The following CAMTA1 variants were observed in gnomAD, a reference collection of about 807,000 sequenced individuals.
CAMTA1 encodes the protein calmodulin binding transcription activator 1.
Under a neutral mutation model 170.9 loss-of-function variants are expected in CAMTA1, and 27 were observed. The observed-to-expected ratio is 0.16, with a 90% CI of 0.12 to 0.22. The LOEUF (loss-of-function observed/expected upper bound fraction) is 0.22, where lower values mean the gene tolerates loss of function less well. Ranked by LOEUF, CAMTA1 falls within the 10% of genes least tolerant of loss-of-function variation. CAMTA1 has a pLI of 1.00. For synonymous variants in CAMTA1, 833 were observed against 891.5 expected (o/e 0.93, Z 1.17); for missense variants, 1,619 against 2,217.2 (o/e 0.73, Z 5.42).
In CAMTA1 at chr1:7,136,407, C is replaced by T. The variant is rs150211666; in HGVS notation, c.302+45036C>T. On this transcript the variant is annotated intron_variant, in intron 4 of 22. Transcript: ENST00000303635. The stretch of plus-strand genomic sequence containing the variant: ...ACATTCCTTCTCTTTTACTCAAGGG[C>T]ATCACTCTGCAATTATTCCCTCTCC... Among the ~76,000 whole-genome samples, 320 of 152,248 alleles carry T rather than the reference C, an allele frequency of 2.1e-3. 3 individuals carry two copies. The highest frequency in any genetic ancestry group is 7.6e-3 in the African/African-American group (315 of 41,546).
intron 11 of CAMTA1, among the ~76,000 whole-genome samples, chr1:7,708,501 A>G (rs1018669974): frequency 2.0e-5 from 3 of 152,256 alleles, no homozygotes; most frequent in African/African-American, 7.2e-5. Flanking sequence ...GATTCAAAAA[A>G]AAGAAAAAGA....
chr1:7,619,667 T>G (rs972932568), intron 6 of CAMTA1, among the ~76,000 whole-genome samples: 2 of 151,534 alleles, frequency 1.3e-5, no homozygotes, highest in Non-Finnish European at 1.5e-5. Flanking sequence ...TTTTTTTTTT[T>G]GAGATGGAGT....
At chr1:6,936,583 T>G (rs1211896172) in intron 3 of CAMTA1, among the ~76,000 whole-genome samples, 1 of 152,176 alleles carries the variant, frequency 6.6e-6, no homozygotes, top group East Asian at 1.9e-4. Flanking sequence ...CTGCTGAGCC[T>G]GCAGGACATG....
chr1:6,827,813 C>T (rs1275855483), intron 3 of CAMTA1, among the ~76,000 whole-genome samples: 2 of 152,120 alleles, frequency 1.3e-5, no homozygotes, highest in Non-Finnish European at 2.9e-5. Flanking sequence ...TCAGACTGCC[C>T]TTATTAAGAG....
intron 3 of CAMTA1, among the ~76,000 whole-genome samples, chr1:6,850,265 TATC>T (rs1320232710): frequency 3.3e-5 from 5 of 152,142 alleles, no homozygotes; most frequent in Non-Finnish European, 5.9e-5. Context: ...GTGCTAAAAA[TATC>T]ATAAAATTAA....
intron 3 of CAMTA1, among the ~76,000 whole-genome samples, chr1:7,083,461 G>A (rs573755250): frequency 6.6e-6 from 1 of 152,240 alleles, no homozygotes; most frequent in African/African-American, 2.4e-5. Flanking sequence ...GGGATATCCT[G>A]TGCAGGGTGT....
chr1:7,497,320 C>T (rs1012706409), intron 6 of CAMTA1, among the ~76,000 whole-genome samples: 5 of 152,042 alleles, frequency 3.3e-5, no homozygotes, highest in Non-Finnish European at 7.4e-5. Flanking sequence ...CAACAGCTCA[C>T]GCAGGGGGCC....
At chr1:7,285,266 A>G (rs1672191456) in intron 5 of CAMTA1, among the ~76,000 whole-genome samples, 1 of 152,190 alleles carries the variant, frequency 6.6e-6, no homozygotes, top group Non-Finnish European at 1.5e-5. Context: ...GAGAAGATGG[A>G]GAGAATCCTT....
intron 19 of CAMTA1, chr1:7,750,885 C>A: frequency 2.7e-6 from 1 of 374,424 alleles, no homozygotes; most frequent in South Asian, 2.6e-5. Context: ...ATTTTACTGT[C>A]GAAATCTGTT....
At chr1:6,884,724 C>A (rs1391486742) in intron 3 of CAMTA1, among the ~76,000 whole-genome samples, 2 of 152,206 alleles carry the variant, frequency 1.3e-5, no homozygotes, top group Non-Finnish European at 2.9e-5. Flanking sequence ...TCTTGGATGC[C>A]TTATGTGTTG....
intron 4 of CAMTA1, among the ~76,000 whole-genome samples, chr1:7,240,488 G>A (rs558699968): frequency 6.7e-6 from 1 of 150,222 alleles, no homozygotes; most frequent in South Asian, 2.1e-4. Context: ...TCTTTGGTTA[G>A]TGGGAGCCTC....
chr1:7,513,768 C>A (rs962671701), intron 6 of CAMTA1, among the ~76,000 whole-genome samples: 2 of 152,052 alleles, frequency 1.3e-5, no homozygotes, highest in Non-Finnish European at 2.9e-5. Context: ...ACTAAAAATA[C>A]AAAATTAGCC....
chr1:7,166,753 T>C (rs1648533222), intron 4 of CAMTA1, among the ~76,000 whole-genome samples: 1 of 152,144 alleles, frequency 6.6e-6, no homozygotes, highest in Non-Finnish European at 1.5e-5. Context: ...TTGATACTTT[T>C]AAGAAAGTGT....
At chr1:6,817,155 A>G (rs1645922951) in intron 1 of CAMTA1, among the ~76,000 whole-genome samples, 1 of 152,206 alleles carries the variant, frequency 6.6e-6, no homozygotes, top group Non-Finnish European at 1.5e-5. Context: ...AGTTGGGTAT[A>G]AAAATCCTTT....
chr1:7,526,250 G>C (rs1023530728), intron 6 of CAMTA1, among the ~76,000 whole-genome samples: 4 of 151,932 alleles, frequency 2.6e-5, no homozygotes, highest in African/African-American at 9.7e-5. Flanking sequence ...CACCCCAGGG[G>C]CTCCAGGGGC....
chr1:7,060,833 C>T (rs1708093702), intron 3 of CAMTA1, among the ~76,000 whole-genome samples: 4 of 152,168 alleles, frequency 2.6e-5, no homozygotes, highest in Admixed American at 6.5e-5. Context: ...CCCAGGAGCA[C>T]GGAAAGCGTT....
At chr1:7,616,494 C>T (rs993621615) in intron 6 of CAMTA1, among the ~76,000 whole-genome samples, 4 of 152,208 alleles carry the variant, frequency 2.6e-5, no homozygotes, top group African/African-American at 4.8e-5. Flanking sequence ...GACTGCAAGG[C>T]GAAGGCCAAG....
At chr1:7,686,766 C>T (rs1209814539) in intron 11 of CAMTA1, among the ~76,000 whole-genome samples, 3 of 152,002 alleles carry the variant, frequency 2.0e-5, no homozygotes, top group Admixed American at 6.6e-5. Context: ...CTGACAAGGC[C>T]GGAACAATGA....
intron 5 of CAMTA1, among the ~76,000 whole-genome samples, chr1:7,393,927 A>G (rs2089005125): frequency 6.6e-6 from 1 of 152,214 alleles, no homozygotes; most frequent in Non-Finnish European, 1.5e-5. Context: ...GATTCCACAT[A>G]TGGATGAGAT....
Sources: allele counts gnomAD v4.1 joint callset (sites outside exome capture counted in the v4.1 genomes callset), GRCh38; gene constraint gnomAD v4.1.1; transcripts MANE v1.5; gene names NCBI Gene and HGNC (gene_info 2026-07-23, HGNC 2026-07-21).